The following DNER variants were observed in gnomAD, a reference collection of about 807,000 sequenced individuals.
DNER encodes the protein delta and Notch-like epidermal growth factor-related receptor.
A neutral mutation model predicts 78.2 loss-of-function variants in DNER; 33 were observed. That is an observed-to-expected ratio of 0.42 (90% CI 0.32 to 0.56). The LOEUF (loss-of-function observed/expected upper bound fraction) is 0.56. Ranked by LOEUF, DNER falls within the 20% of genes least tolerant of loss-of-function variation. The probability of loss-of-function intolerance (pLI) is 0.11; values close to 1 mark genes in which losing one functional copy is unlikely to be tolerated. For synonymous variants in DNER, 417 were observed against 384.8 expected (o/e 1.08, Z -0.98); for missense variants, 918 against 975.3 (o/e 0.94, Z 0.78).
intron 11 of DNER, among the ~76,000 whole-genome samples, chr2:229,387,513 A>G (rs57032429): frequency 0.23 from 8,113 of 34,676 alleles, 261 homozygotes; most frequent in African/African-American, 0.26. Context: ...GAAAGAGAGA[A>G]AGAAAGAAAG....
intron 1 of DNER, among the ~76,000 whole-genome samples, chr2:229,627,892 G>A (rs1224393864): frequency 6.6e-6 from 1 of 152,170 alleles, no homozygotes; most frequent in South Asian, 2.1e-4. Flanking sequence ...GGCAGCAGGC[G>A]GTATTTTCCA....
chr2:229,463,255 A>G (rs1694739258), intron 7 of DNER, among the ~76,000 whole-genome samples: 1 of 152,142 alleles, frequency 6.6e-6, no homozygotes. Flanking sequence ...GATTAAATGA[A>G]TGGTGTAATA....
At chr2:229,476,162 C>T (rs1038929779) in intron 7 of DNER, among the ~76,000 whole-genome samples, 3 of 152,202 alleles carry the variant, frequency 2.0e-5, no homozygotes, top group African/African-American at 7.2e-5. Context: ...CTCCGGCCCC[C>T]ACCCTGGCCC....
chr2:229,396,805 C>G (rs1049727786), intron 10 of DNER, among the ~76,000 whole-genome samples: 3 of 152,120 alleles, frequency 2.0e-5, no homozygotes, highest in Non-Finnish European at 1.5e-5. Context: ...TCACTAGCCT[C>G]AAAGCAACCC....
intron 1 of DNER, among the ~76,000 whole-genome samples, chr2:229,626,065 A>G (rs1290610909): frequency 1.3e-5 from 2 of 152,008 alleles, no homozygotes; most frequent in East Asian, 3.9e-4. Flanking sequence ...GATTACAGGC[A>G]CCCACAACAG....
chr2:229,545,950 C>T (rs1257464980), intron 5 of DNER, among the ~76,000 whole-genome samples: 5 of 152,206 alleles, frequency 3.3e-5, no homozygotes, highest in East Asian at 1.9e-4. Flanking sequence ...GTCCCCAAAA[C>T]GGGTAAGTGA....
In DNER at chr2:229,622,301, A is replaced by T. The variant is rs114323228; in HGVS notation, c.277-30413T>A. ...TTCCAGGAAACAACTTACTGCAAAG[A>T]ACCACCCTTCCCCATATGACTTAGA... On this transcript the variant is annotated intron_variant, in intron 1 of 12. Transcript: ENST00000341772. Among the ~76,000 whole-genome samples, 471 of 152,228 alleles carry T rather than the reference A, an allele frequency of 3.1e-3. 4 individuals are homozygous for T. Among genetic ancestry groups the T allele is most frequent in the African/African-American group, 0.011 (450 of 41,538 alleles).
intron 1 of DNER, among the ~76,000 whole-genome samples, chr2:229,700,557 T>TA (rs993227422): frequency 6.6e-6 from 1 of 151,984 alleles, no homozygotes; most frequent in African/African-American, 2.4e-5. Context: ...AAGGACTGAA[T>TA]ATGTAAACAG....
chr2:229,473,097 G>A (rs1574858790), intron 7 of DNER, among the ~76,000 whole-genome samples: 1 of 152,190 alleles, frequency 6.6e-6, no homozygotes, highest in South Asian at 2.1e-4. Context: ...ATGAAAAGGG[G>A]GGAAAAGAGA....
chr2:229,488,881 T>C (rs1272226068), intron 6 of DNER, among the ~76,000 whole-genome samples: 1 of 149,312 alleles, frequency 6.7e-6, no homozygotes, highest in Non-Finnish European at 1.5e-5. Context: ...ATCACAACAA[T>C]ATCAACAGCT....
chr2:229,713,630 C>G (rs141131048), intron 1 of DNER, among the ~76,000 whole-genome samples: 12 of 152,362 alleles, frequency 7.9e-5, no homozygotes, highest in Non-Finnish European at 1.6e-4. Flanking sequence ...CCCTCAAGGG[C>G]GTAGGAAGAG....
At chr2:229,427,647 G>A (rs1409215571) in intron 8 of DNER, among the ~76,000 whole-genome samples, 2 of 152,136 alleles carry the variant, frequency 1.3e-5, no homozygotes, top group African/African-American at 2.4e-5. Context: ...AGAGGGAGGG[G>A]TGTGCAGAAG....
At chr2:229,597,025 ACG>A (rs202059665) in intron 1 of DNER, among the ~76,000 whole-genome samples, 5,948 of 151,898 alleles carry the variant, frequency 0.039, 176 homozygotes, top group East Asian at 0.13. Flanking sequence ...ACACATGCAC[ACG>A]CACACATATA....
intron 5 of DNER, among the ~76,000 whole-genome samples, chr2:229,528,569 C>G (rs2154212757): frequency 1.3e-5 from 2 of 152,248 alleles, no homozygotes; most frequent in Non-Finnish European, 2.9e-5. Context: ...AGACATTGAA[C>G]TCTGATCTCT....
At chr2:229,673,959 G>C (rs72617163) in intron 1 of DNER, among the ~76,000 whole-genome samples, 15,152 of 152,238 alleles carry the variant, frequency 0.1, 1,124 homozygotes, top group East Asian at 0.39. Flanking sequence ...AGAGAGGACA[G>C]GTATTTGTCA....
At chr2:229,487,814 T>C (rs12464732) in intron 6 of DNER, among the ~76,000 whole-genome samples, 19,020 of 152,196 alleles carry the variant, frequency 0.12, 1,331 homozygotes, top group South Asian at 0.2. Context: ...CACATTCCCA[T>C]GAAACAGCAT....
intron 1 of DNER, among the ~76,000 whole-genome samples, chr2:229,652,698 A>G (rs1319765281): frequency 2.0e-5 from 3 of 152,234 alleles, no homozygotes; most frequent in African/African-American, 7.2e-5. Flanking sequence ...TGAGCTCAGA[A>G]GCAGGCAAAA....
At chr2:229,587,736 T>A (rs1697528869) in intron 3 of DNER, among the ~76,000 whole-genome samples, 1 of 152,120 alleles carries the variant, frequency 6.6e-6, no homozygotes, top group Non-Finnish European at 1.5e-5. Context: ...TGGGGCACCC[T>A]AATACTGGCC....
intron 1 of DNER, among the ~76,000 whole-genome samples, chr2:229,592,592 T>G (rs1697627860): frequency 6.6e-6 from 1 of 152,170 alleles, no homozygotes; most frequent in African/African-American, 2.4e-5. Context: ...CAGTCATATG[T>G]GTTTCAATTA....
Sources: gnomAD v4.1 joint callset for allele counts (sites outside exome capture counted in the v4.1 genomes callset) on GRCh38, gnomAD v4.1.1 for gene constraint, MANE v1.5 for transcripts, NCBI Gene and HGNC (gene_info 2026-07-23, HGNC 2026-07-21) for gene names.